Variants in TIA1 observed in about 807,000 individuals in gnomAD.
TIA1 encodes the protein TIA1 cytotoxic granule associated RNA binding protein.
Under a neutral mutation model 65.9 loss-of-function variants are expected in TIA1, and 23 were observed. The observed-to-expected ratio is 0.35, with a 90% CI of 0.25 to 0.49. The LOEUF is 0.49. Among genes scored for constraint, TIA1 ranks in the 20% least tolerant of loss-of-function variants. The pLI is 0.98. For missense variants in TIA1, 371 were observed against 477.9 expected (o/e 0.78, Z 2.09); for synonymous variants, 147 against 149.4 (o/e 0.98, Z 0.12).
chr2:70,224,444 T>G, intron 7 of TIA1, 110 bp downstream of exon 7: 1 of 1,478,188 alleles, frequency 6.8e-7, no homozygotes, highest in Non-Finnish European at 9.2e-7. Flanking sequence ...AGGGTTTATT[T>G]TAATCATCAG....
intron 1 of TIA1, among the ~76,000 whole-genome samples, chr2:70,245,612 T>TAC (rs1693935401): frequency 6.6e-6 from 1 of 152,212 alleles, no homozygotes; most frequent in South Asian, 2.1e-4. Context: ...AAGAGTAGTA[T>TAC]ACATCACCCA....
chr2:70,224,200 G>C (rs894032162), intron 7 of TIA1, among the ~76,000 whole-genome samples: 1 of 152,198 alleles, frequency 6.6e-6, no homozygotes, highest in Non-Finnish European at 1.5e-5. Flanking sequence ...TTACAGGTGT[G>C]AGCCACTGCG....
chr2:70,222,748 T>G (rs1682058730), intron 7 of TIA1, among the ~76,000 whole-genome samples: 1 of 152,170 alleles, frequency 6.6e-6, no homozygotes, highest in Non-Finnish European at 1.5e-5. Context: ...ATCCTGTCTC[T>G]ACTAAAAATA....
chr2:70,241,835 T>C (rs1256953139), intron 1 of TIA1, among the ~76,000 whole-genome samples: 3 of 151,892 alleles, frequency 2.0e-5, no homozygotes, highest in Admixed American at 1.3e-4. Flanking sequence ...TTCCAGCTAC[T>C]TGGGAAGCTG....
intron 8 of TIA1, 178 bp from the exon 9 acceptor site, chr2:70,216,677 C>G: frequency 1.4e-6 from 2 of 1,428,706 alleles, no homozygotes; most frequent in Non-Finnish European, 1.9e-6. Context: ...AAAAATTACC[C>G]AGTATTTTCT....
chr2:70,239,469 T>C (rs1233861560), intron 1 of TIA1, among the ~76,000 whole-genome samples: 1 of 152,220 alleles, frequency 6.6e-6, no homozygotes, highest in East Asian at 1.9e-4. Context: ...GAGTTAGAGG[T>C]TTATCAGTTC....
At position 70,229,422 on chromosome 2, in the gene TIA1, T is replaced by C. The variant is rs1037377698; in HGVS notation, c.223-104A>G. 5.3e-6 allele frequency: 5 copies of C among 943,930 alleles called. No homozygotes were observed. The South Asian group carries it at 6.1e-5, about 11-fold the overall frequency. The allele number at this position is 943,930 out of a possible 1,614,324, so 58.5% of individuals were successfully genotyped here. A position where few individuals can be genotyped will look rare whatever the true frequency, so the allele number is the denominator to read the frequency against. The stretch of plus-strand genomic sequence containing the variant: ...AAGATATCTGTTTAAGATGAAACAC[T>C]GAAGGAGATACCAGCTCTGGTCAAG... On this transcript the variant is annotated intron_variant, in intron 3 of 12. Transcript: ENST00000433529.
At chr2:70,248,714 C>A (rs750841896), upstream of TIA1, 2 of 516,000 alleles carry the variant, frequency 3.9e-6, no homozygotes, top group Non-Finnish European at 7.0e-6. Flanking sequence ...CCGGGCCGCC[C>A]GGCTACACCT....
intron 6 of TIA1, chr2:70,225,119 A>C: frequency 9.8e-7 from 1 of 1,023,850 alleles, no homozygotes; most frequent in Non-Finnish European, 1.2e-6. Context: ...AGATCAATTT[A>C]TACCCCCCTT....
chr2:70,241,539 T>C (rs1558952366), intron 1 of TIA1, among the ~76,000 whole-genome samples: 1 of 152,334 alleles, frequency 6.6e-6, no homozygotes, highest in South Asian at 2.1e-4. Context: ...AACTTAATCT[T>C]CCTCTTCCTG....
At chr2:70,244,950 G>A (rs890628900) in intron 1 of TIA1, among the ~76,000 whole-genome samples, 3 of 151,268 alleles carry the variant, frequency 2.0e-5, no homozygotes, top group Non-Finnish European at 2.9e-5. Flanking sequence ...AAGAATGAAA[G>A]ATGAGCATGG....
At chr2:70,243,437 A>C (rs911142376) in intron 1 of TIA1, among the ~76,000 whole-genome samples, 3 of 152,146 alleles carry the variant, frequency 2.0e-5, no homozygotes, top group Non-Finnish European at 2.9e-5. Flanking sequence ...AATTAAAATA[A>C]ATAAATAAAT....
intron 10 of TIA1, 129 bp from the exon 11 acceptor site, chr2:70,215,623 A>AT (rs1432848551): frequency 4.7e-6 from 4 of 859,860 alleles, no homozygotes; most frequent in Admixed American, 3.1e-5. Flanking sequence ...TTTCTTTGCT[A>AT]TTTTTTTCAA....
chr2:70,223,417 C>T lies in TIA1; in HGVS notation c.474+1137G>A, dbSNP rs535462361. ...TGTTTTCACCTCTCAATGTACTTTA[C>T]AATTTTCAACTTTTTTTTTCTTGAG... On this transcript the variant is annotated intron_variant, in intron 7 of 12. Transcript: ENST00000433529. Among the ~76,000 whole-genome samples the T allele has an allele frequency of 7.7e-4, 117 of 152,084 alleles. 1 individual carries two copies. The highest frequency in any genetic ancestry group is 1.2e-3 in the East Asian group (6 of 5,186).
At position 70,230,872 on chromosome 2, in the gene TIA1, CA is replaced by C; in HGVS notation, c.124-19del. 6.3e-7 allele frequency: 1 copy of C among 1,577,058 alleles called. No individual in the cohort carries two copies. The highest frequency in any genetic ancestry group is 8.6e-7 in the Non-Finnish European group (1 of 1,163,364). On this transcript the variant is annotated intron_variant, in intron 2 of 12. Coordinates refer to ENST00000433529, the MANE Select transcript of TIA1 (RefSeq NM_022173.4). ...CCAGCTGTCTGTGGGAGAAGAAACA[CA>C]AAAGCCAATTTTAAGCTTTATTCAC...
Position 70,220,184 on chromosome 2 carries a change from T to C in TIA1, c.475-3190A>G, listed in dbSNP as rs1006814686. ...CCAGCACTTGGGAGGCCGAGGCAGGTGGATCATGAGCCCAGGAGTTCGAGA... is the reference window on the plus strand; with the variant it reads ...CCAGCACTTGGGAGGCCGAGGCAGGCGGATCATGAGCCCAGGAGTTCGAGA... On this transcript the variant is annotated intron_variant, in intron 7 of 12. Coordinates refer to ENST00000433529, the MANE Select transcript of TIA1 (RefSeq NM_022173.4). Among the ~76,000 whole-genome samples, 5 of 151,928 alleles carry C rather than the reference T, an allele frequency of 3.3e-5. No individual in the cohort carries two copies. In the South Asian group the frequency reaches 6.2e-4, roughly 19 times the overall value.
chr2:70,214,968 T>C (rs1404016247), intron 11 of TIA1, among the ~76,000 whole-genome samples: 1 of 152,170 alleles, frequency 6.6e-6, no homozygotes, highest in African/African-American at 2.4e-5. Context: ...CCACTAAAGC[T>C]GCCTGGAAAA....
chr2:70,224,690 A>G, intron 6 of TIA1, 61 bp from the exon 7 acceptor site: 1 of 1,582,780 alleles, frequency 6.3e-7, no homozygotes, highest in East Asian at 2.3e-5. Flanking sequence ...ATCAAATAAG[A>G]ATTTCACACA....
chr2:70,228,473 C>A, intron 5 of TIA1: 1 of 1,271,084 alleles, frequency 7.9e-7, no homozygotes, highest in Non-Finnish European at 1.0e-6. Flanking sequence ...CTGAAGGCAA[C>A]AGAATGAAAA....
Sources: allele counts gnomAD v4.1 joint callset (sites outside exome capture counted in the v4.1 genomes callset), GRCh38; gene constraint gnomAD v4.1.1; transcripts MANE v1.5; gene names NCBI Gene and HGNC (gene_info 2026-07-23, HGNC 2026-07-21).